SLC4A5: variants seen among roughly 807,000 people sequenced by gnomAD.
SLC4A5 encodes electrogenic sodium bicarbonate cotransporter 4.
In SLC4A5, 96 loss-of-function variants were observed where a neutral mutation model predicts 120.4. That is an observed-to-expected ratio of 0.80 (90% CI 0.68 to 0.94). The LOEUF (loss-of-function observed/expected upper bound fraction) is 0.94. Among genes scored for constraint, SLC4A5 ranks in the 40% least tolerant of loss-of-function variants. The pLI is 0.00. For missense variants in SLC4A5, 1,259 were observed against 1,459.5 expected (o/e 0.86, Z 2.24); for synonymous variants, 550 against 571.1 (o/e 0.96, Z 0.53).
At chr2:74,307,563 A>C in intron 6 of SLC4A5, 1 of 660,532 alleles carries the variant, frequency 1.5e-6, no homozygotes, top group African/African-American at 1.8e-5. Flanking sequence ...GATCTGCACA[A>C]TGTGGGCATT....
intron 7 of SLC4A5, among the ~76,000 whole-genome samples, chr2:74,286,977 C>A (rs1185985049): frequency 6.6e-6 from 1 of 152,196 alleles, no homozygotes; most frequent in Non-Finnish European, 1.5e-5. Flanking sequence ...CCCCACTGCA[C>A]AGGCTAGACA....
intron 5 of SLC4A5, chr2:74,319,347 C>T (rs1200646441): frequency 2.0e-5 from 3 of 152,112 alleles, no homozygotes; most frequent in Non-Finnish European, 2.9e-5. Flanking sequence ...AATTTGTACT[C>T]CCTAAATATA....
At chr2:74,294,305 A>G (rs1465758015) in intron 7 of SLC4A5, among the ~76,000 whole-genome samples, 1 of 152,236 alleles carries the variant, frequency 6.6e-6, no homozygotes, top group Non-Finnish European at 1.5e-5. Context: ...ATAAGACCCA[A>G]CAGCAAAAAG....
intron 5 of SLC4A5, among the ~76,000 whole-genome samples, chr2:74,315,356 C>G (rs552416761): frequency 6.7e-6 from 1 of 150,056 alleles, no homozygotes; most frequent in South Asian, 2.1e-4. Flanking sequence ...AAGAGAATCT[C>G]TTGAACCCGG....
intron 9 of SLC4A5, 147 bp downstream of exon 9, chr2:74,264,956 TG>T: frequency 2.3e-6 from 2 of 866,720 alleles, no homozygotes; most frequent in Non-Finnish European, 3.5e-6. Flanking sequence ...GATCCTGCCC[TG>T]GGAGCAACAG....
intron 8 of SLC4A5, among the ~76,000 whole-genome samples, chr2:74,273,582 T>C (rs533726496): frequency 6.6e-6 from 1 of 152,376 alleles, no homozygotes; most frequent in Non-Finnish European, 1.5e-5. Flanking sequence ...AAGACATGTT[T>C]GTGCTTTCTG....
At chr2:74,242,827 T>C in intron 19 of SLC4A5, among the ~76,000 whole-genome samples, 1 of 152,178 alleles carries the variant, frequency 6.6e-6, no homozygotes, top group East Asian at 1.9e-4. Flanking sequence ...TAATTTTTTG[T>C]ATTTTTAGTA....
At chr2:74,306,782 C>A (rs998527099) in intron 6 of SLC4A5, 2 of 820,104 alleles carry the variant, frequency 2.4e-6, no homozygotes, top group Non-Finnish European at 3.9e-6. Flanking sequence ...CATCCACTAT[C>A]CAGTGGGTAG....
intron 17 of SLC4A5, 43 bp from the exon 18 acceptor site, chr2:74,248,529 G>T: frequency 6.2e-7 from 1 of 1,609,882 alleles, no homozygotes; most frequent in South Asian, 1.1e-5. Flanking sequence ...GGAAGGAGAA[G>T]CGGTCTCTCC....
chr2:74,327,314 C>T (rs1558915835), intron 5 of SLC4A5, among the ~76,000 whole-genome samples: 1 of 152,194 alleles, frequency 6.6e-6, no homozygotes, highest in African/African-American at 2.4e-5. Flanking sequence ...GTGTCTGATG[C>T]ACCCTTCTGA....
chr2:74,252,673 A>T (rs556275169), intron 15 of SLC4A5, among the ~76,000 whole-genome samples: 1 of 152,264 alleles, frequency 6.6e-6, no homozygotes, highest in South Asian at 2.1e-4. Flanking sequence ...TGCAGCCTTG[A>T]CCTCCTGGGC....
rs771281541 is a variant in SLC4A5, at chr2:74,253,133, C to A, written c.1114-5G>T. 15 of 1,613,650 alleles carry A rather than the reference C, an allele frequency of 9.3e-6. No homozygotes were observed. The highest frequency in any genetic ancestry group is 2.2e-5 in the South Asian group (2 of 91,040). ...GTAGGCCACGTCACTGAAGAGCTGGCGAGGAGAGAGGAGGGAGAAAAGAAA... is the reference window on the plus strand; with the variant it reads ...GTAGGCCACGTCACTGAAGAGCTGGAGAGGAGAGAGGAGGGAGAAAAGAAA... On this transcript the variant is annotated splice_region_variant and splice_polypyrimidine_tract_variant and intron_variant, in intron 14 of 30. Coordinates refer to ENST00000394019, the Ensembl canonical transcript of SLC4A5.
Position 74,227,893 on chromosome 2 carries a change from G to A in SLC4A5, c.2848-15C>T. Reference sequence around the variant, plus strand: ...AGGGGGATACACTAAAATGAGAGCAGAGCTTTGGATCGGCCTCTGCCTGGG... The same window carrying A: ...AGGGGGATACACTAAAATGAGAGCAAAGCTTTGGATCGGCCTCTGCCTGGG... On this transcript the variant is annotated splice_polypyrimidine_tract_variant and intron_variant, in intron 25 of 30. Transcript: ENST00000394019. 1 of 1,596,170 alleles carries A rather than the reference G, an allele frequency of 6.3e-7. No homozygotes were observed. The highest frequency in any genetic ancestry group is 1.1e-5 in the South Asian group (1 of 87,924).
intron 19 of SLC4A5, among the ~76,000 whole-genome samples, chr2:74,244,336 C>T (rs909270716): frequency 3.9e-5 from 6 of 152,128 alleles, no homozygotes; most frequent in African/African-American, 4.8e-5. Flanking sequence ...TATACATCTG[C>T]TTGGACCCTA....
At chr2:74,218,560 G>C (rs1199789179) in exon 31 of SLC4A5, 1 of 152,566 alleles carries the variant, frequency 6.6e-6, no homozygotes, top group African/African-American at 2.4e-5. Flanking sequence ...GCACAGAGAA[G>C]TTAAGACCCT....
chr2:74,320,135 C>T (rs1169240144), intron 5 of SLC4A5, among the ~76,000 whole-genome samples: 1 of 151,752 alleles, frequency 6.6e-6, no homozygotes, highest in African/African-American at 2.4e-5. Flanking sequence ...AATACTATGA[C>T]AAAACAAGAA....
chr2:74,249,107 T>C (rs1670710447), intron 17 of SLC4A5, among the ~76,000 whole-genome samples: 1 of 152,204 alleles, frequency 6.6e-6, no homozygotes, highest in Non-Finnish European at 1.5e-5. Context: ...ACACATTAGA[T>C]ACCAGTAGGA....
exon 31 of SLC4A5, chr2:74,217,878 A>G (rs1009979173): frequency 6.6e-6 from 1 of 152,268 alleles, no homozygotes; most frequent in African/African-American, 2.4e-5. Flanking sequence ...ATCTCAGCTC[A>G]CTGCAACTTC....
intron 7 of SLC4A5, among the ~76,000 whole-genome samples, chr2:74,294,284 C>T (rs3771734): frequency 0.16 from 24,800 of 152,114 alleles, 4,389 homozygotes; most frequent in African/African-American, 0.41. Flanking sequence ...ATCAGAAAGG[C>T]CCCGAGCATT....
Sources: gnomAD v4.1 joint callset for allele counts (sites outside exome capture counted in the v4.1 genomes callset) on GRCh38, gnomAD v4.1.1 for gene constraint, MANE v1.5 for transcripts, NCBI Gene and HGNC (gene_info 2026-07-23, HGNC 2026-07-21) for gene names.